Variants in TACC2 observed in about 807,000 individuals in gnomAD.
The protein encoded by TACC2 is transforming acidic coiled-coil-containing protein 2.
In TACC2, 137 loss-of-function variants were observed where a neutral mutation model predicts 227.3. That is an observed-to-expected ratio of 0.60 (90% CI 0.52 to 0.69). TACC2 has a LOEUF of 0.69. Ranked by LOEUF, TACC2 falls within the 30% of genes least tolerant of loss-of-function variation. The pLI, the probability that TACC2 is intolerant of heterozygous loss-of-function variation, is 0.00. For synonymous variants in TACC2, 1,523 were observed against 1,487.5 expected (o/e 1.02, Z -0.55); for missense variants, 3,470 against 3,694.4 (o/e 0.94, Z 1.57).
chr10:122,129,378 C>T (rs963896438), intron 5 of TACC2, among the ~76,000 whole-genome samples: 3 of 152,004 alleles, frequency 2.0e-5, no homozygotes, highest in African/African-American at 4.8e-5. Flanking sequence ...TTTGAACAGC[C>T]GCAAACGAGT....
At chr10:122,127,934 A>G (rs1217124755) in intron 5 of TACC2, among the ~76,000 whole-genome samples, 1 of 152,222 alleles carries the variant, frequency 6.6e-6, no homozygotes, top group Non-Finnish European at 1.5e-5. Context: ...TTGGTACGGA[A>G]GGTTTGTAGA....
rs34194954 is a variant in TACC2 at position 122,180,721 on chromosome 10, GA to G, written c.5835-14318del. On this transcript the variant is annotated intron_variant, in intron 7 of 22. Coordinates refer to ENST00000369005, the MANE Select transcript of TACC2 (RefSeq NM_206862.4). The surrounding 1 kb of genome is among the most constrained non-coding windows in gnomAD (Gnocchi z 4.5). ...AAGCCTCCCTTCCCAGGGAGTGCAA[GA>G]GGAATAACTTATTTTATTTTTTATT... Among the ~76,000 whole-genome samples, 1,553 of 152,198 alleles carry G rather than the reference GA, an allele frequency of 0.01. 25 individuals are homozygous for G. The highest frequency in any genetic ancestry group is 0.036 in the African/African-American group (1,490 of 41,538).
chr10:122,153,517 C>T (rs2139565488), intron 7 of TACC2, among the ~76,000 whole-genome samples: 1 of 152,344 alleles, frequency 6.6e-6, no homozygotes, highest in South Asian at 2.1e-4. Context: ...TGCCTGATTG[C>T]AGACCTCGGG....
rs1231943778 is a variant in TACC2, at chr10:122,005,696, TTC to T, written c.-46+16210_-46+16211del. Among the ~76,000 whole-genome samples the T allele has an allele frequency of 4.2e-3, 573 of 137,156 alleles. 4 individuals carry two copies. Among genetic ancestry groups the T allele is most frequent in the African/African-American group, 0.014 (553 of 38,818 alleles). 90.0% of individuals were successfully genotyped at this position (137,156 alleles called of 152,430 possible). On this transcript the variant is annotated intron_variant, in intron 1 of 22. Transcript: ENST00000369005. The stretch of plus-strand genomic sequence containing the variant: ...ACCGTGCCTGGCCTTTTTTTTTTTT[TTC>T]TTTTTTTTTTTTTGAGATGGAGTCT...
In TACC2 at chr10:122,173,524, G is replaced by A. The variant is rs538085972; in HGVS notation, c.5835-21516G>A. Among the ~76,000 whole-genome samples, 3 of 152,362 alleles carry A rather than the reference G, an allele frequency of 2.0e-5. No individual in the cohort carries two copies. In the South Asian group the frequency reaches 6.2e-4, roughly 32 times the overall value. ...CTTCCAGATCTGGCACTTGTCACGA[G>A]CATCTTTACGTGCCAGGGCACAGCC... On this transcript the variant is annotated intron_variant, in intron 7 of 22. Transcript: ENST00000369005.
At chr10:122,191,475 A>G (rs1032345279) in intron 7 of TACC2, among the ~76,000 whole-genome samples, 2 of 152,208 alleles carry the variant, frequency 1.3e-5, no homozygotes, top group African/African-American at 4.8e-5. Context: ...GTCTTGGGCC[A>G]CACATAAAAT....
intron 3 of TACC2, among the ~76,000 whole-genome samples, chr10:122,060,122 G>GA (rs1591561145): frequency 6.6e-6 from 1 of 152,210 alleles, no homozygotes; most frequent in African/African-American, 2.4e-5. Context: ...GCTTAAGGAG[G>GA]AAGAATTCCC....
chr10:122,066,045 T>C (rs751853166), intron 3 of TACC2, among the ~76,000 whole-genome samples: 7 of 152,122 alleles, frequency 4.6e-5, no homozygotes, highest in African/African-American at 7.2e-5. Flanking sequence ...AGTACCTATA[T>C]TGTAGGCAGC....
chr10:122,077,726 G>A (rs1458968389), intron 3 of TACC2, among the ~76,000 whole-genome samples: 1 of 152,250 alleles, frequency 6.6e-6, no homozygotes, highest in African/African-American at 2.4e-5. Context: ...AGAGGCTGGT[G>A]CAGGCAGCCA....
intron 8 of TACC2, among the ~76,000 whole-genome samples, chr10:122,208,420 A>G (rs138995264): frequency 6.6e-6 from 1 of 152,308 alleles, no homozygotes; most frequent in East Asian, 1.9e-4. Flanking sequence ...AAGCTTGGTA[A>G]GCACTCTGCA....
At chr10:122,136,334 C>A (rs1459570734) in intron 6 of TACC2, among the ~76,000 whole-genome samples, 1 of 152,052 alleles carries the variant, frequency 6.6e-6, no homozygotes, top group Non-Finnish European at 1.5e-5. Context: ...GTCCCCGCCA[C>A]CCCATCCACC....
chr10:122,032,044 G>T (rs979715406), intron 2 of TACC2, among the ~76,000 whole-genome samples: 1 of 152,032 alleles, frequency 6.6e-6, no homozygotes, highest in Non-Finnish European at 1.5e-5. Flanking sequence ...GAATCTGAGC[G>T]ACCCTGATTG....
intron 5 of TACC2, 99 bp downstream of exon 5, chr10:122,088,690 A>C: frequency 1.3e-6 from 2 of 1,551,028 alleles, no homozygotes; most frequent in Non-Finnish European, 1.7e-6. Context: ...ATACAGCATG[A>C]GTTCCTACAT....
At chr10:122,203,278 C>T (rs1317853020) in intron 8 of TACC2, among the ~76,000 whole-genome samples, 4 of 141,404 alleles carry the variant, frequency 2.8e-5, no homozygotes, top group East Asian at 2.3e-4. Flanking sequence ...GGCGGCTGGC[C>T]GGGCAGAGGG....
chr10:122,219,259 C>T (rs2095476994), intron 11 of TACC2, among the ~76,000 whole-genome samples: 1 of 151,936 alleles, frequency 6.6e-6, no homozygotes, highest in African/African-American at 2.4e-5. Context: ...TGTTTCACAC[C>T]CTTTCCTTAG....
chr10:122,122,021 C>T (rs559435993), intron 5 of TACC2, among the ~76,000 whole-genome samples: 18 of 152,264 alleles, frequency 1.2e-4, no homozygotes, highest in African/African-American at 3.9e-4. Flanking sequence ...TTTGCCAAGT[C>T]GCTTAATTCC....
intron 9 of TACC2, among the ~76,000 whole-genome samples, chr10:122,214,555 G>C (rs181234741): frequency 6.6e-6 from 1 of 152,140 alleles, no homozygotes; most frequent in Non-Finnish European, 1.5e-5. Flanking sequence ...GCAGGGGCCA[G>C]TCTACAGGGT....
At chr10:122,071,417 T>C (rs2078036997) in intron 3 of TACC2, among the ~76,000 whole-genome samples, 1 of 152,138 alleles carries the variant, frequency 6.6e-6, no homozygotes, top group African/African-American at 2.4e-5. Context: ...AATGGGGTCA[T>C]TCTGTTGACT....
chr10:122,241,012 G>A (rs1589878200), intron 18 of TACC2, among the ~76,000 whole-genome samples: 2 of 152,192 alleles, frequency 1.3e-5, no homozygotes, highest in East Asian at 3.8e-4. Flanking sequence ...CGGATAAAAG[G>A]TAATAGGGTT....
Sources: allele counts gnomAD v4.1 joint callset (sites outside exome capture counted in the v4.1 genomes callset), GRCh38; gene constraint gnomAD v4.1.1; non-coding constraint Gnocchi (gnomAD v3.1); transcripts MANE v1.5; gene names NCBI Gene and HGNC (gene_info 2026-07-23, HGNC 2026-07-21).